ZNF577: variants seen among roughly 807,000 people sequenced by gnomAD.
ZNF577 encodes zinc finger protein 577.
A neutral mutation model predicts 13.9 loss-of-function variants in ZNF577; 14 were observed. The ratio of observed to expected loss-of-function variants is 1.00; its 90% CI spans 0.66 to 1.57. The LOEUF (loss-of-function observed/expected upper bound fraction) is 1.57, where lower values mean the gene tolerates loss of function less well. Ranked by LOEUF, ZNF577 falls within the 40% of genes most tolerant of loss-of-function variation. The pLI is 0.00. For missense variants in ZNF577, 555 were observed against 579.2 expected (o/e 0.96, Z 0.43); for synonymous variants, 203 against 202.9 (o/e 1.00, Z 0.00).
intron 1 of ZNF577, among the ~76,000 whole-genome samples, chr19:51,882,354 G>T (rs1164652802): frequency 6.6e-6 from 1 of 151,908 alleles, no homozygotes; most frequent in Non-Finnish European, 1.5e-5. Flanking sequence ...GACTGGTAAG[G>T]ATAATCTGGA....
chr19:51,846,968 T>C (rs1016973300), intron 5 of ZNF577, among the ~76,000 whole-genome samples: 4 of 152,278 alleles, frequency 2.6e-5, no homozygotes, highest in Admixed American at 1.3e-4. Context: ...ATGCACTACC[T>C]CACTCAATCC....
intron 9 of ZNF577, among the ~76,000 whole-genome samples, chr19:51,820,230 C>T (rs1910851086): frequency 2.0e-5 from 3 of 152,010 alleles, no homozygotes; most frequent in Admixed American, 6.6e-5. Context: ...AAGGAAGTGC[C>T]GAGTTTCCAT....
intron 9 of ZNF577, among the ~76,000 whole-genome samples, chr19:51,838,286 T>C (rs1177567265): frequency 6.6e-6 from 1 of 152,114 alleles, no homozygotes; most frequent in Admixed American, 6.5e-5. Context: ...GATGGAAATT[T>C]TTAGCGGGGT....
At chr19:51,860,981 A>T (rs1452314610) in intron 5 of ZNF577, 6 of 422,134 alleles carry the variant, frequency 1.4e-5, no homozygotes, top group Non-Finnish European at 2.3e-5. Context: ...TGAATACCCT[A>T]ATGTGTAACA....
intron 9 of ZNF577, among the ~76,000 whole-genome samples, chr19:51,835,850 G>A (rs10421427): frequency 0.018 from 2,756 of 152,122 alleles, 106 homozygotes; most frequent in African/African-American, 0.063. Flanking sequence ...CTGCCACCAC[G>A]CCCAGCTAAT....
intron 9 of ZNF577, among the ~76,000 whole-genome samples, chr19:51,832,570 T>C (rs563382710): frequency 5.5e-4 from 84 of 152,248 alleles, no homozygotes; most frequent in African/African-American, 2.0e-3. Flanking sequence ...TTATTCCTTT[T>C]TTACAGATTG....
rs902252013 is a variant in ZNF577 at position 51,878,470 on chromosome 19, C to A, written c.106G>T (p.Glu36Ter). 1.9e-6 allele frequency: 3 copies of A among 1,614,116 alleles called. No homozygotes were observed. The highest frequency in any genetic ancestry group is 2.5e-6 in the Non-Finnish European group (3 of 1,179,996). The change falls in exon 4 of 6, where the codon GAG (glutamate) becomes TAG (stop). Residue 36 changes from glutamate to a stop codon, truncating the protein, a stop_gained. Coordinates refer to ENST00000638348, the MANE Select transcript of ZNF577 (RefSeq NM_001370449.1). LOFTEE classifies it high-confidence loss of function. The stretch of plus-strand genomic sequence containing the variant: ...TGAGACTGGTCCAAAAACTGCCACT[C>A]CTCCCTGGTGAAGCCCACAGCCACA... ...EDVAVGFTRE[E>*]WQFLDQSQKV...
At chr19:51,877,773 A>C (rs1301376696) in intron 4 of ZNF577, 1 of 170,808 alleles carries the variant, frequency 5.9e-6, no homozygotes, top group African/African-American at 2.4e-5. Flanking sequence ...ACCCCAAAGA[A>C]TGGAAAGCAG....
intron 1 of ZNF577, among the ~76,000 whole-genome samples, chr19:51,885,684 G>C (rs2084935159): frequency 6.6e-6 from 1 of 152,034 alleles, no homozygotes; most frequent in Admixed American, 6.5e-5. Context: ...GCTAATTTTT[G>C]TATTTAGTAG....
chr19:51,819,295 G>C (rs1333472300), intron 9 of ZNF577, among the ~76,000 whole-genome samples: 4 of 152,120 alleles, frequency 2.6e-5, no homozygotes, highest in African/African-American at 9.7e-5. Flanking sequence ...AGAGCTCCTG[G>C]GGAGGCCAGT....
At chr19:51,876,284 G>C (rs2084760635) in intron 5 of ZNF577, among the ~76,000 whole-genome samples, 1 of 152,134 alleles carries the variant, frequency 6.6e-6, no homozygotes. Flanking sequence ...TCACATCCTG[G>C]AAGAAGGAAA....
At chr19:51,857,677 T>C (rs1023894104) in intron 5 of ZNF577, among the ~76,000 whole-genome samples, 8 of 152,146 alleles carry the variant, frequency 5.3e-5, no homozygotes, top group African/African-American at 1.4e-4. Flanking sequence ...GGGTGGGTGA[T>C]TGCCTGAGAA....
At chr19:51,808,381 T>C (rs561510196) in intron 10 of ZNF577, among the ~76,000 whole-genome samples, 1 of 152,308 alleles carries the variant, frequency 6.6e-6, no homozygotes, top group South Asian at 2.1e-4. Context: ...TTCCATTTAG[T>C]CAAAGCCTGC....
At chr19:51,817,521 T>G (rs2084147568) in intron 9 of ZNF577, among the ~76,000 whole-genome samples, 4 of 149,286 alleles carry the variant, frequency 2.7e-5, no homozygotes, top group African/African-American at 4.8e-5. Context: ...GTTTTGTTTT[T>G]TTTTTTAAAT....
intron 4 of ZNF577, chr19:51,877,591 A>G (rs2084786919): frequency 9.8e-6 from 4 of 407,206 alleles, no homozygotes; most frequent in South Asian, 6.2e-5. Context: ...CAAAAAAACA[A>G]ACAGACAAAC....
chr19:51,855,828 T>C (rs2084412247), intron 5 of ZNF577: 1 of 152,146 alleles, frequency 6.6e-6, no homozygotes, highest in African/African-American at 2.4e-5. Context: ...AGATATATAA[T>C]GACATTGCTC....
intron 5 of ZNF577, chr19:51,861,981 T>C (rs543913103): frequency 6.6e-5 from 10 of 152,418 alleles, no homozygotes; most frequent in African/African-American, 2.2e-4. Flanking sequence ...TAAGATTTCA[T>C]TCTTGCATGG....
intron 8 of ZNF577, chr19:51,842,724 C>T (rs190765617): frequency 2.0e-5 from 3 of 152,278 alleles, no homozygotes; most frequent in Admixed American, 2.0e-4. Context: ...GGTTCACAGA[C>T]CATGAGAAAA....
chr19:51,880,480 T>C, intron 2 of ZNF577, 79 bp from the exon 3 acceptor site: 1 of 1,287,524 alleles, frequency 7.8e-7, no homozygotes, highest in Admixed American at 1.8e-5. Flanking sequence ...TGTTCCGACA[T>C]TAAGAACTTT....
Sources: gnomAD v4.1 joint callset for allele counts (sites outside exome capture counted in the v4.1 genomes callset) on GRCh38, gnomAD v4.1.1 for gene constraint, MANE v1.5 for transcripts, NCBI Gene and HGNC (gene_info 2026-07-23, HGNC 2026-07-21) for gene names.